The following RCOR1 variants were observed in gnomAD, a reference collection of about 807,000 sequenced individuals.
The protein encoded by RCOR1 is REST corepressor.
Under a neutral mutation model 64.0 loss-of-function variants are expected in RCOR1, and 12 were observed. That is an observed-to-expected ratio of 0.19 (90% CI 0.12 to 0.30). RCOR1 has a LOEUF of 0.30. Ranked by LOEUF, RCOR1 falls within the 10% of genes least tolerant of loss-of-function variation. The pLI is 1.00. For synonymous variants in RCOR1, 279 were observed against 227.2 expected (o/e 1.23, Z -2.05); for missense variants, 502 against 621.2 (o/e 0.81, Z 2.04).
At chr14:102,686,336 C>A (rs998540856) in intron 3 of RCOR1, among the ~76,000 whole-genome samples, 1 of 152,100 alleles carries the variant, frequency 6.6e-6, no homozygotes, top group Non-Finnish European at 1.5e-5. Flanking sequence ...TACAGAGTGC[C>A]CATTTATCTT....
At chr14:102,656,099 C>T (rs914602525) in intron 2 of RCOR1, 12 of 984,544 alleles carry the variant, frequency 1.2e-5, no homozygotes, top group Admixed American at 1.2e-4. Flanking sequence ...GAAACAGATT[C>T]TTTTCATTCT....
chr14:102,676,472 C>A (rs1387139064), intron 2 of RCOR1, among the ~76,000 whole-genome samples: 1 of 96,970 alleles, frequency 1.0e-5, no homozygotes, highest in Non-Finnish European at 2.0e-5. Context: ...GGGGGCTGAC[C>A]CCCCCACCTC....
At chr14:102,705,896 A>G (rs1192422030) in intron 4 of RCOR1, among the ~76,000 whole-genome samples, 1 of 151,916 alleles carries the variant, frequency 6.6e-6, no homozygotes, top group African/African-American at 2.4e-5. Context: ...CAGGCAGATC[A>G]CTTGAGCTCA....
At chr14:102,691,121 C>T (rs1461759495) in intron 3 of RCOR1, among the ~76,000 whole-genome samples, 1 of 152,226 alleles carries the variant, frequency 6.6e-6, no homozygotes, top group Admixed American at 6.5e-5. Context: ...CACGAACAGT[C>T]CGACAAGTCC....
At chr14:102,660,215 C>G (rs1413982007) in intron 2 of RCOR1, among the ~76,000 whole-genome samples, 2 of 152,042 alleles carry the variant, frequency 1.3e-5, no homozygotes, top group Non-Finnish European at 2.9e-5. Flanking sequence ...AATGGGTTAT[C>G]TTGTGGATAT....
intron 2 of RCOR1, among the ~76,000 whole-genome samples, chr14:102,635,580 T>C (rs181049572): frequency 6.6e-6 from 1 of 152,286 alleles, no homozygotes; most frequent in African/African-American, 2.4e-5. Context: ...AGTAGCTATA[T>C]TATTATTAAA....
rs1595249175 is a variant in RCOR1, at chr14:102,726,590, C to T, written c.*84C>T. 3 of 1,127,138 alleles carry T rather than the reference C, an allele frequency of 2.7e-6. No homozygotes were observed. Among genetic ancestry groups the T allele is most frequent in the Non-Finnish European group, 3.9e-6 (3 of 764,610 alleles). 69.8% of individuals were successfully genotyped at this position (1,127,138 alleles called of 1,614,324 possible). A position where few individuals can be genotyped will look rare whatever the true frequency, so the allele number is the denominator to read the frequency against. On this transcript the variant is annotated 3_prime_UTR_variant, in exon 12 of 12. Coordinates refer to ENST00000262241, the MANE Select transcript of RCOR1 (RefSeq NM_015156.4). ...TTATGAGACATCACCTAGCCATCTG[C>T]ATCACATCTCTCTGGACAAGCAGCT...
chr14:102,677,152 G>C (rs1177286484), intron 2 of RCOR1, among the ~76,000 whole-genome samples: 5 of 128,962 alleles, frequency 3.9e-5, no homozygotes, highest in Admixed American at 1.5e-4. Context: ...CTGGCCGGGC[G>C]GGGGGCTGAC....
intron 3 of RCOR1, among the ~76,000 whole-genome samples, chr14:102,685,746 G>C (rs1391475995): frequency 6.6e-6 from 1 of 152,100 alleles, no homozygotes; most frequent in Non-Finnish European, 1.5e-5. Context: ...CTGATCACTT[G>C]AGCTCAAGAG....
Position 102,729,241 on chromosome 14 carries a change from T to C in RCOR1, c.*2735T>C, listed in dbSNP as rs1280821062. The C allele has an allele frequency of 1.3e-5, 2 of 152,698 alleles. No homozygotes were observed. The highest frequency in any genetic ancestry group is 2.9e-5 in the Non-Finnish European group (2 of 68,050). 9.5% of individuals were successfully genotyped at this position (152,698 alleles called of 1,614,324 possible). ...ATTGTATTGCATATGCATTAAAAGTTTGTTTTATTTAATTTTATGTAGATG... is the reference window on the plus strand; with the variant it reads ...ATTGTATTGCATATGCATTAAAAGTCTGTTTTATTTAATTTTATGTAGATG... On this transcript the variant is annotated 3_prime_UTR_variant, in exon 12 of 12. Transcript: ENST00000262241.
chr14:102,646,851 AGAGG>A (rs1440185020), intron 2 of RCOR1, among the ~76,000 whole-genome samples: 1 of 152,202 alleles, frequency 6.6e-6, no homozygotes, highest in East Asian at 1.9e-4. Flanking sequence ...ACACAGTGGG[AGAGG>A]GAGGGAGAAG....
intron 3 of RCOR1, among the ~76,000 whole-genome samples, chr14:102,683,128 A>C (rs964347830): frequency 1.1e-4 from 17 of 152,214 alleles, no homozygotes; most frequent in African/African-American, 3.6e-4. Flanking sequence ...ATTGATTTTT[A>C]AACAGTGGTG....
chr14:102,603,237 C>T (rs1255805452), intron 2 of RCOR1, among the ~76,000 whole-genome samples: 3 of 152,084 alleles, frequency 2.0e-5, no homozygotes, highest in Non-Finnish European at 4.4e-5. Context: ...TTCACCACCA[C>T]ACCCAGCAAA....
chr14:102,625,283 T>G (rs559850734), intron 2 of RCOR1, among the ~76,000 whole-genome samples: 1 of 139,980 alleles, frequency 7.1e-6, no homozygotes, highest in African/African-American at 2.7e-5. Flanking sequence ...GTTCCCAGGA[T>G]GGAGTGCAAT....
chr14:102,676,099 C>T (rs1294564615), intron 2 of RCOR1, among the ~76,000 whole-genome samples: 2 of 150,678 alleles, frequency 1.3e-5, no homozygotes, highest in East Asian at 3.9e-4. Context: ...AAAAGTCTCC[C>T]ATGTCTACTT....
At position 102,730,232 on chromosome 14, in the gene RCOR1, G is replaced by A. The variant is rs981686478; in HGVS notation, c.*3726G>A. 2.6e-6 allele frequency: 1 copy of A among 386,738 alleles called. No individual in the cohort carries two copies. Among genetic ancestry groups the A allele is most frequent in the Non-Finnish European group, 4.6e-6 (1 of 218,998 alleles). The allele number at this position is 386,738 out of a possible 1,614,324, so 24.0% of individuals were successfully genotyped here. ...TTTAGACAGCTTAAAAAATTTTCAA[G>A]ATTTTAAAAGATGTATAAGGTTAAG... On this transcript the variant is annotated 3_prime_UTR_variant, in exon 12 of 12. Transcript: ENST00000262241.
chr14:102,673,317 G>A (rs1034560575), intron 2 of RCOR1, among the ~76,000 whole-genome samples: 3 of 150,230 alleles, frequency 2.0e-5, no homozygotes, highest in Admixed American at 6.6e-5. Context: ...CACATACCAC[G>A]GTTTATCCAA....
In RCOR1 at chr14:102,639,264, CTTTT is replaced by C. The variant is rs11306200; in HGVS notation, c.362-42616_362-42613del. On this transcript the variant is annotated intron_variant, in intron 2 of 11. Transcript: ENST00000262241. Reference sequence around the variant, plus strand: ...CAACTACTCTTTGTTTTCTTTCTTTCTTTTTTTTTTTTTTTTTTGAGACAAGATC... The same window carrying C: ...CAACTACTCTTTGTTTTCTTTCTTTCTTTTTTTTTTTTTTGAGACAAGATC... 5.8e-4 allele frequency among the ~76,000 whole-genome samples: 73 copies of C among 125,552 alleles called. 3 individuals carry two copies. The South Asian group carries it at 0.015, about 26-fold the overall frequency. The allele number at this position is 125,552 out of a possible 152,430, so 82.4% of individuals were successfully genotyped here.
chr14:102,625,522 A>G (rs1029716836), intron 2 of RCOR1, among the ~76,000 whole-genome samples: 17 of 148,282 alleles, frequency 1.1e-4, no homozygotes, highest in African/African-American at 3.0e-4. Context: ...GGCATGAGCA[A>G]CCGCGCCTGG....
Sources: allele counts gnomAD v4.1 joint callset (sites outside exome capture counted in the v4.1 genomes callset), GRCh38; gene constraint gnomAD v4.1.1; transcripts MANE v1.5; gene names NCBI Gene and HGNC (gene_info 2026-07-23, HGNC 2026-07-21).